USP34: variants seen among roughly 807,000 people sequenced by gnomAD.
USP34 encodes the protein ubiquitin carboxyl-terminal hydrolase 34.
Under a neutral mutation model 460.3 loss-of-function variants are expected in USP34, and 70 were observed. The observed-to-expected ratio is 0.15, with a 90% confidence interval of 0.13 to 0.19. The LOEUF (loss-of-function observed/expected upper bound fraction) is 0.19. USP34 is among the 10% of genes least tolerant of loss of function. The pLI is 1.00. For synonymous variants in USP34, 1,647 were observed against 1,405.3 expected, an observed-to-expected ratio of 1.17 and a Z score of -3.85; for missense variants, 3,985 against 4,236.2, an observed-to-expected ratio of 0.94 and a Z score of 1.65.
rs1470135494 is a variant in USP34 at position 61,229,479 on chromosome 2, A to C, written c.7199+69T>G. 47 of 804,072 alleles carry C rather than the reference A, an allele frequency of 5.8e-5. 2 individuals carry two copies. The East Asian group carries it at 1.3e-3, about 22-fold the overall frequency. 49.8% of individuals were successfully genotyped at this position (804,072 alleles called of 1,614,324 possible). A position where few individuals can be genotyped will look rare whatever the true frequency, so the allele number is the denominator to read the frequency against. On this transcript the variant is annotated intron_variant, in intron 59 of 79. Coordinates refer to ENST00000398571, the MANE Select transcript of USP34 (RefSeq NM_014709.4). ...TCTTAAAAAAAAAAAAAAAAAACAA[A>C]AAAAAAAAACAAAAACACCACACAC...
chr2:61,351,527 A>G lies in USP34; in HGVS notation c.1252-834T>C, dbSNP rs191365299. 6.4e-3 allele frequency among the ~76,000 whole-genome samples: 972 copies of G among 152,280 alleles called. 8 individuals carry two copies. The highest frequency in any genetic ancestry group is 0.011 in the Non-Finnish European group (755 of 67,994). ...AAATCAAGATAGGGTAATAAACAGAAGATTAGACAAGTAATTCCCAATTTG... is the reference window on the plus strand; with the variant it reads ...AAATCAAGATAGGGTAATAAACAGAGGATTAGACAAGTAATTCCCAATTTG... On this transcript the variant is annotated intron_variant, in intron 10 of 79. Transcript: ENST00000398571.
Position 61,333,986 on chromosome 2 carries a change from A to T in USP34, c.2745-15T>A, listed in dbSNP as rs1281587074. On this transcript the variant is annotated splice_polypyrimidine_tract_variant and intron_variant, in intron 18 of 79. Coordinates refer to ENST00000398571, the MANE Select transcript of USP34 (RefSeq NM_014709.4). ...TTACTACTGATCTGAAACAGCAGAA[A>T]CATTCACAAAATAATTTTAGTAATT... 2 of 1,520,322 alleles carry T rather than the reference A, an allele frequency of 1.3e-6. No homozygotes were observed. Among genetic ancestry groups the T allele is most frequent in the Non-Finnish European group, 1.8e-6 (2 of 1,128,268 alleles). 94.2% of individuals were successfully genotyped at this position (1,520,322 alleles called of 1,614,324 possible).
chr2:61,187,921 A>T lies in USP34; in HGVS notation c.*181T>A. On this transcript the variant is annotated 3_prime_UTR_variant, in exon 80 of 80. Coordinates refer to ENST00000398571, the MANE Select transcript of USP34 (RefSeq NM_014709.4). ...GATTGCCCTTTAGGAAGTATACTGA[A>T]GATGCAAGTTTTTTTCATCTGGAGT... is the stretch of plus-strand genomic sequence containing the variant. 2 of 1,429,698 alleles carry T rather than the reference A, an allele frequency of 1.4e-6. No homozygotes were observed. The highest frequency in any genetic ancestry group is 3.2e-5 in the South Asian group (2 of 61,784). 88.6% of individuals were successfully genotyped at this position (1,429,698 alleles called of 1,614,324 possible). A position where few individuals can be genotyped will look rare whatever the true frequency, so the allele number is the denominator to read the frequency against.
At chr2:61,382,349 A>G (rs1463772081) in intron 6 of USP34, among the ~76,000 whole-genome samples, 4 of 152,260 alleles carry the variant, frequency 2.6e-5, no homozygotes, top group African/African-American at 9.6e-5. Context: ...CTTACACATT[A>G]TTCTCCACAC....
intron 15 of USP34, among the ~76,000 whole-genome samples, chr2:61,346,854 A>AC: frequency 6.8e-6 from 1 of 147,744 alleles, no homozygotes; most frequent in Non-Finnish European, 1.5e-5. Flanking sequence ...AAAAAAAAAA[A>AC]AGGCCGGGCC....
At chr2:61,229,489 C>G (rs200365755) in intron 59 of USP34, 59 bp downstream of exon 59, 2 of 409,672 alleles carry the variant, frequency 4.9e-6, no homozygotes, top group Non-Finnish European at 7.1e-6. Flanking sequence ...AAAAAAAAAA[C>G]AAAAACACCA....
At chr2:61,437,646 A>G (rs1694849058) in intron 1 of USP34, among the ~76,000 whole-genome samples, 1 of 151,900 alleles carries the variant, frequency 6.6e-6, no homozygotes, top group Non-Finnish European at 1.5e-5. Context: ...GGTGGCAGGC[A>G]CCTGCAGTCC....
At position 61,232,394 on chromosome 2, in the gene USP34, A is replaced by G. The variant is rs1017051580; in HGVS notation, c.7113+58T>C. The G allele has an allele frequency of 2.2e-6, 3 of 1,376,654 alleles. No homozygotes were observed. The African/African-American group carries it at 4.3e-5, about 20-fold the overall frequency. 85.3% of individuals were successfully genotyped at this position (1,376,654 alleles called of 1,614,324 possible). Reference sequence around the variant, plus strand: ...CACACTTATAAGCAAATTGAGAATAATTAAATTGAAAGTAACTTCTTTTCC... The same window carrying G: ...CACACTTATAAGCAAATTGAGAATAGTTAAATTGAAAGTAACTTCTTTTCC... On this transcript the variant is annotated intron_variant, in intron 58 of 79. Coordinates refer to ENST00000398571, the MANE Select transcript of USP34 (RefSeq NM_014709.4).
chr2:61,199,104 A>T (rs1686893729), intron 75 of USP34, among the ~76,000 whole-genome samples: 1 of 152,102 alleles, frequency 6.6e-6, no homozygotes, highest in Non-Finnish European at 1.5e-5. Context: ...CATTTTCACC[A>T]TGTAGTATTT....
intron 10 of USP34, among the ~76,000 whole-genome samples, chr2:61,360,246 G>A (rs908665273): frequency 3.3e-5 from 5 of 151,932 alleles, no homozygotes; most frequent in African/African-American, 7.3e-5. Context: ...TAGAAAACAG[G>A]AAAGAAAAAT....
intron 75 of USP34, among the ~76,000 whole-genome samples, chr2:61,196,068 G>GGTTTTTT (rs1558460264): frequency 2.1e-5 from 1 of 47,032 alleles, no homozygotes; most frequent in Non-Finnish European, 4.3e-5. Context: ...CACCATGCAC[G>GGTTTTTT]ATTTTTTTTT....
rs535610222 is a variant in USP34, at chr2:61,345,048, G to A, written c.2286-1019C>T. Reference sequence around the variant, plus strand: ...AGCACTTTGGGAGGCCGAGGCAGGCGGATCATTTGAGGTCAGCAGCTCAAG... The same window carrying A: ...AGCACTTTGGGAGGCCGAGGCAGGCAGATCATTTGAGGTCAGCAGCTCAAG... On this transcript the variant is annotated intron_variant, in intron 15 of 79. Transcript: ENST00000398571. Among the ~76,000 whole-genome samples, 32 of 152,226 alleles carry A rather than the reference G, an allele frequency of 2.1e-4. No homozygotes were observed. The South Asian group carries it at 4.2e-3, about 20-fold the overall frequency.
intron 1 of USP34, among the ~76,000 whole-genome samples, chr2:61,433,494 C>CGTG: frequency 6.6e-6 from 1 of 152,014 alleles, no homozygotes; most frequent in South Asian, 2.1e-4. Flanking sequence ...ATTAGCCGGG[C>CGTG]GTGGTGGTGG....
At chr2:61,398,280 T>C (rs573904342) in intron 3 of USP34, among the ~76,000 whole-genome samples, 5 of 151,976 alleles carry the variant, frequency 3.3e-5, no homozygotes, top group African/African-American at 7.2e-5. Flanking sequence ...GGCGGGAGGA[T>C]TGCATGAACT....
At chr2:61,375,440 A>G (rs919903787) in intron 8 of USP34, among the ~76,000 whole-genome samples, 3 of 152,210 alleles carry the variant, frequency 2.0e-5, no homozygotes, top group African/African-American at 7.2e-5. Flanking sequence ...AGGACTTTAC[A>G]TAAATGTTTA....
At chr2:61,332,774 C>T (rs1247877588) in intron 19 of USP34, among the ~76,000 whole-genome samples, 1 of 151,658 alleles carries the variant, frequency 6.6e-6, no homozygotes, top group Non-Finnish European at 1.5e-5. Flanking sequence ...AGAACCTTCA[C>T]TGGATTCTTA....
At chr2:61,409,208 A>G (rs1311556256) in intron 2 of USP34, among the ~76,000 whole-genome samples, 1 of 152,000 alleles carries the variant, frequency 6.6e-6, no homozygotes, top group African/African-American at 2.4e-5. Context: ...TGATAGAGGG[A>G]GACTGTCTCA....
chr2:61,267,760 C>T (rs12615222), intron 41 of USP34, among the ~76,000 whole-genome samples: 33,924 of 151,750 alleles, frequency 0.22, 3,839 homozygotes, highest in South Asian at 0.33. Flanking sequence ...ACTACAGGCG[C>T]CCACCACAAC....
intron 57 of USP34, among the ~76,000 whole-genome samples, chr2:61,234,064 T>C (rs886296019): frequency 2.0e-5 from 3 of 152,160 alleles, no homozygotes; most frequent in African/African-American, 7.2e-5. Flanking sequence ...TTATTATTAT[T>C]TATTGAAGTT....
Sources: gnomAD v4.1 joint callset for allele counts (sites outside exome capture counted in the v4.1 genomes callset) on GRCh38, gnomAD v4.1.1 for gene constraint, MANE v1.5 for transcripts, NCBI Gene and HGNC (gene_info 2026-07-23, HGNC 2026-07-21) for gene names.